Variants in MAOB observed in about 807,000 individuals in gnomAD.
MAOB encodes amine oxidase [flavin-containing] B.
In MAOB, 15 loss-of-function variants were observed where a neutral mutation model predicts 41.9. That is an observed-to-expected ratio of 0.36 (90% CI 0.24 to 0.55). The LOEUF (loss-of-function observed/expected upper bound fraction) is 0.55. Among genes scored for constraint, MAOB ranks in the 20% least tolerant of loss-of-function variants. The pLI is 0.86. For synonymous variants in MAOB, 167 were observed against 144.2 expected (o/e 1.16, Z -1.13); for missense variants, 345 against 398.7 (o/e 0.87, Z 1.15).
chrX:43,806,681 T>C (rs1043515276), intron 3 of MAOB, among the ~76,000 whole-genome samples: 3 of 111,774 alleles, frequency 2.7e-5, no homozygotes, highest in Non-Finnish European at 5.6e-5. Flanking sequence ...TAACTTCCAC[T>C]TTCTGGAGAT....
chrX:43,837,783 G>C (rs2035088399), intron 3 of MAOB: 2 of 314,569 alleles, frequency 6.4e-6, no homozygotes, highest in African/African-American at 5.4e-5. Flanking sequence ...CCACCCACAG[G>C]AGCAAGTGAA....
chrX:43,806,929 C>A (rs1043158737), intron 3 of MAOB, among the ~76,000 whole-genome samples: 4 of 111,091 alleles, frequency 3.6e-5, no homozygotes, highest in African/African-American at 9.8e-5. Flanking sequence ...GTCTGTTGAG[C>A]ATTTTTTTCA....
At chrX:43,846,251 A>G (rs767666330) in intron 1 of MAOB, among the ~76,000 whole-genome samples, 17 of 112,489 alleles carry the variant, frequency 1.5e-4, no homozygotes, top group African/African-American at 4.8e-4. Context: ...AAGGAAATAC[A>G]TCGTTACTTG....
intron 3 of MAOB, among the ~76,000 whole-genome samples, chrX:43,806,582 T>C (rs112935208): frequency 0.013 from 1,480 of 110,702 alleles, 41 homozygotes; most frequent in African/African-American, 0.045. Context: ...CTCTCCACTG[T>C]AGAGTTGCTA....
intron 12 of MAOB, among the ~76,000 whole-genome samples, chrX:43,769,887 A>G (rs1456909941): frequency 9.0e-6 from 1 of 111,677 alleles, no homozygotes; most frequent in East Asian, 2.8e-4. Flanking sequence ...GACCCTTTCA[A>G]TCAGTAACAT....
chrX:43,865,638 G>A (rs777846849), intron 1 of MAOB, among the ~76,000 whole-genome samples: 1 of 111,477 alleles, frequency 9.0e-6, no homozygotes, highest in African/African-American at 3.3e-5. Context: ...ATTGATTATT[G>A]TCATTACTTT....
At chrX:43,850,644 GA>G (rs760560433) in intron 1 of MAOB, among the ~76,000 whole-genome samples, 1 of 111,976 alleles carries the variant, frequency 8.9e-6, no homozygotes, top group East Asian at 2.8e-4. Context: ...ATGAAAAAAA[GA>G]GAAAATAGAC....
chrX:43,770,103 G>A (rs974839562), intron 12 of MAOB, among the ~76,000 whole-genome samples: 5 of 110,978 alleles, frequency 4.5e-5, no homozygotes, highest in African/African-American at 1.6e-4. Context: ...GCCAGAAGAG[G>A]GCCTACTGAT....
At chrX:43,802,449 TA>T (rs1274118365) in intron 4 of MAOB, among the ~76,000 whole-genome samples, 186 bp from the exon 5 acceptor site, 2 of 112,380 alleles carry the variant, frequency 1.8e-5, no homozygotes, top group East Asian at 5.5e-4. Flanking sequence ...CAATGCTGTC[TA>T]TGTAGCTTTC....
intron 1 of MAOB, among the ~76,000 whole-genome samples, chrX:43,854,739 C>T (rs748375102): frequency 3.6e-5 from 4 of 111,610 alleles, no homozygotes; most frequent in African/African-American, 1.3e-4. Context: ...AGAGGCCTTT[C>T]TCCATTCAAC....
chrX:43,838,792 G>C lies in MAOB; in HGVS notation c.279+76C>G, dbSNP rs1006641410. 1.4e-5 allele frequency: 14 copies of C among 966,944 alleles called. No individual in the cohort carries two copies. In the African/African-American group the frequency reaches 2.6e-4, roughly 18 times the overall value. The allele number at this position is 966,944 out of a possible 1,213,427, so 79.7% of individuals were successfully genotyped here. A position where few individuals can be genotyped will look rare whatever the true frequency, so the allele number is the denominator to read the frequency against. ...TCCAGAGATATAGAAGATTCTCTGAGAGAATGATCTGGAATTTGTGTAAGG... is the reference window on the plus strand; with the variant it reads ...TCCAGAGATATAGAAGATTCTCTGACAGAATGATCTGGAATTTGTGTAAGG... On this transcript the variant is annotated intron_variant, in intron 3 of 14. Transcript: ENST00000378069.
chrX:43,777,445 T>C (rs2034274159), intron 11 of MAOB, among the ~76,000 whole-genome samples: 1 of 111,657 alleles, frequency 9.0e-6, no homozygotes, highest in Admixed American at 9.5e-5. Context: ...TGTTCTAGTT[T>C]ATTTGCTGAG....
intron 12 of MAOB, among the ~76,000 whole-genome samples, chrX:43,774,090 T>A (rs1001857814): frequency 2.7e-5 from 3 of 111,983 alleles, no homozygotes; most frequent in Non-Finnish European, 5.6e-5. Flanking sequence ...TTACTCCTTA[T>A]TCGACCAGTT....
chrX:43,772,111 A>G (rs2034192991), intron 12 of MAOB, among the ~76,000 whole-genome samples: 1 of 111,865 alleles, frequency 8.9e-6, no homozygotes, highest in Non-Finnish European at 1.9e-5. Flanking sequence ...ATGTACTGTG[A>G]ACTTTCAGGG....
At chrX:43,867,200 G>T (rs1250735717) in intron 1 of MAOB, among the ~76,000 whole-genome samples, 1 of 111,914 alleles carries the variant, frequency 8.9e-6, no homozygotes. Context: ...TGGAAACCTG[G>T]CCAGAATATG....
Position 43,768,714 on chromosome X carries a change from G to A in MAOB, c.1350C>T (p.Ile450=), listed in dbSNP as rs1047754089. 20 of 1,203,996 alleles carry A rather than the reference G, an allele frequency of 1.7e-5. No individual in the cohort carries two copies. The highest frequency in any genetic ancestry group is 2.2e-5 in the Non-Finnish European group (20 of 889,266). ...VEAGERAARE[I]LHAMGKIPED... ...CTGGAATCTTCCCCATGGCATGCAGGATCTGAAATGAAAGAACACACTGGC... is the reference window on the plus strand; with the variant it reads ...CTGGAATCTTCCCCATGGCATGCAGAATCTGAAATGAAAGAACACACTGGC... The change falls in exon 14 of 15, where the codon ATC becomes ATT. Residue 450 remains isoleucine, a splice_region_variant and synonymous_variant. Transcript: ENST00000378069.
At chrX:43,821,403 A>C (rs1188477890) in intron 3 of MAOB, among the ~76,000 whole-genome samples, 1 of 111,275 alleles carries the variant, frequency 9.0e-6, no homozygotes, top group African/African-American at 3.3e-5. Context: ...ATCCAAAACA[A>C]CTGCACCACT....
chrX:43,873,337 A>C (rs754075422), intron 1 of MAOB, among the ~76,000 whole-genome samples: 106 of 111,517 alleles, frequency 9.5e-4, no homozygotes, highest in African/African-American at 3.0e-3. Flanking sequence ...AAAATGTTGG[A>C]GAGGTTAAGC....
At chrX:43,784,263 T>C (rs2034372245) in intron 8 of MAOB, among the ~76,000 whole-genome samples, 1 of 112,600 alleles carries the variant, frequency 8.9e-6, no homozygotes, top group Admixed American at 9.4e-5. Context: ...AGTGAACTCT[T>C]TCCAGAAGGT....
Sources: allele counts gnomAD v4.1 joint callset (sites outside exome capture counted in the v4.1 genomes callset), GRCh38; gene constraint gnomAD v4.1.1; transcripts MANE v1.5; gene names NCBI Gene and HGNC (gene_info 2026-07-23, HGNC 2026-07-21).